Variants in EP400 observed in about 807,000 individuals in gnomAD.
EP400 encodes E1A-binding protein p400.
In EP400, 105 loss-of-function variants were observed where a neutral mutation model predicts 354.1. The ratio of observed to expected loss-of-function variants is 0.30; its 90% confidence interval spans 0.25 to 0.35. EP400 has a LOEUF of 0.35. EP400 is among the 10% of genes least tolerant of loss of function. The pLI is 1.00. For synonymous variants in EP400, 1,646 were observed against 1,716.9 expected (o/e 0.96, Z 1.02); for missense variants, 3,280 against 4,121.0 (o/e 0.80, Z 5.59).
At chr12:132,015,243 A>G (rs1225531645) in intron 19 of EP400, among the ~76,000 whole-genome samples, 3 of 152,206 alleles carry the variant, frequency 2.0e-5, no homozygotes, top group Non-Finnish European at 4.4e-5. Context: ...CAAGAGGCGG[A>G]GCAGTGGAGC....
intron 3 of EP400, 44 bp downstream of exon 3, chr12:131,979,837 C>T (rs1359647071): frequency 4.7e-6 from 7 of 1,502,868 alleles, no homozygotes; most frequent in Non-Finnish European, 6.3e-6. Flanking sequence ...GCCCCCCTCT[C>T]CTTGGGCTGC....
At chr12:131,972,749 T>G (rs1593317354) in intron 2 of EP400, among the ~76,000 whole-genome samples, 1 of 126,498 alleles carries the variant, frequency 7.9e-6, no homozygotes, top group African/African-American at 3.9e-5. Flanking sequence ...TTTTTTTTTT[T>G]GTGACGGAGT....
At position 131,990,047 on chromosome 12, in the gene EP400, G is replaced by T. The variant is rs781511179; in HGVS notation, c.2493G>T (p.Arg831Ser). The T allele has an allele frequency of 6.2e-7, 1 of 1,613,332 alleles. No homozygotes were observed. The highest frequency in any genetic ancestry group is 8.5e-7 in the Non-Finnish European group (1 of 1,179,848). The change falls in exon 8 of 53, where the codon AGG (arginine) becomes AGT (serine). Residue 831 changes from arginine to serine, a missense_variant. Coordinates refer to ENST00000389561, the MANE Select transcript of EP400 (RefSeq NM_015409.5). The surrounding 1 kb of genome is among the most constrained non-coding windows in gnomAD (Gnocchi z 4.2). ...RGKKEEQSRL[R>S]RIAASTAREI... ...AGAAGGAAGAGCAGAGCAGACTGAG[G>T]CGGATAGCCGCCTCCACGGCCCGGG...
intron 16 of EP400, 119 bp from the exon 17 acceptor site, chr12:132,012,890 T>G (rs1336854086): frequency 9.4e-7 from 1 of 1,069,486 alleles, no homozygotes; most frequent in Non-Finnish European, 1.3e-6. Context: ...AAAAAGCAAG[T>G]AAAATTATAG....
Position 132,053,569 on chromosome 12 carries a change from T to A in EP400, c.7700T>A (p.Ile2567Asn). 6.4e-7 allele frequency: 1 copy of A among 1,565,794 alleles called. No individual in the cohort carries two copies. The highest frequency in any genetic ancestry group is 8.6e-7 in the Non-Finnish European group (1 of 1,162,258). ...VQAPAKAQPA[I>N]TTGGSAAVLA... ...GCCCCAGCGAAGGCGCAGCCCGCAA[T>A]CACGACGGGGGGCAGTGCAGCCGTA... Residue 2567 changes from isoleucine to asparagine, a missense_variant, in exon 43 of 53, where the codon ATC (isoleucine) becomes AAC (asparagine). Around this residue, in one of 20 missense-constraint regions of EP400, gnomAD observed 255 missense variants for 295.9 expected, o/e 0.86. Coordinates refer to ENST00000389561, the MANE Select transcript of EP400 (RefSeq NM_015409.5).
At chr12:132,026,322 G>A (rs939755335) in intron 25 of EP400, among the ~76,000 whole-genome samples, 2 of 152,208 alleles carry the variant, frequency 1.3e-5, no homozygotes, top group Non-Finnish European at 2.9e-5. Flanking sequence ...GCAGGTGGGA[G>A]CCTAGAGGGG....
At chr12:131,955,984 C>G (rs1891685276) in intron 1 of EP400, among the ~76,000 whole-genome samples, 1 of 152,148 alleles carries the variant, frequency 6.6e-6, no homozygotes, top group Non-Finnish European at 1.5e-5. Flanking sequence ...CATCTTGTAA[C>G]CATTATCACA....
chr12:132,034,945 C>T (rs1894644058), intron 30 of EP400, among the ~76,000 whole-genome samples: 1 of 152,076 alleles, frequency 6.6e-6, no homozygotes, highest in Non-Finnish European at 1.5e-5. Flanking sequence ...GGAAGCCAAG[C>T]GTTGTACAGA....
intron 1 of EP400, among the ~76,000 whole-genome samples, chr12:131,950,569 A>C (rs917816238): frequency 7.2e-5 from 11 of 152,126 alleles, no homozygotes; most frequent in African/African-American, 2.4e-4. Context: ...ACGCGCCGCC[A>C]CAGGGGTTAC....
intron 7 of EP400, 92 bp downstream of exon 7, chr12:131,987,982 ACTTTTTTTTTTTT>A (rs1892909414): frequency 1.6e-6 from 1 of 627,644 alleles, no homozygotes; most frequent in African/African-American, 2.3e-5. Flanking sequence ...CTCCAGACCC[ACTTTTTTTTTTTT>A]TTTTTTTTTT....
intron 2 of EP400, among the ~76,000 whole-genome samples, chr12:131,974,755 C>T (rs778277056): frequency 2.3e-4 from 35 of 151,772 alleles, no homozygotes; most frequent in Non-Finnish European, 3.5e-4. Context: ...TTTGGGAGGC[C>T]GAGGCGGGCG....
At position 132,025,216 on chromosome 12, in the gene EP400, A is replaced by G. The variant is rs1192791742; in HGVS notation, c.4856-430A>G. 6.6e-6 allele frequency among the ~76,000 whole-genome samples: 1 copy of G among 152,198 alleles called. No individual in the cohort carries two copies. Among genetic ancestry groups the G allele is most frequent in the Non-Finnish European group, 1.5e-5 (1 of 68,038 alleles). The stretch of plus-strand genomic sequence containing the variant: ...GAAGTCAGAAAGATGTAGTCACACA[A>G]GATCCAAAGTGGCAGCCTCGTTAAA... On this transcript the variant is annotated intron_variant, in intron 24 of 52. Coordinates refer to ENST00000389561, the MANE Select transcript of EP400 (RefSeq NM_015409.5). The surrounding 1 kb of genome is among the most constrained non-coding windows in gnomAD (Gnocchi z 4.1).
At chr12:132,064,965 C>T (rs931331488) in intron 48 of EP400, 79 bp downstream of exon 48, 37 of 1,513,148 alleles carry the variant, frequency 2.4e-5, no homozygotes, top group South Asian at 1.5e-4. Flanking sequence ...TGCTCAGGTG[C>T]GTGTCACGTG....
intron 7 of EP400, among the ~76,000 whole-genome samples, chr12:131,988,810 A>G (rs1243980438): frequency 1.3e-5 from 2 of 151,608 alleles, no homozygotes; most frequent in Non-Finnish European, 2.9e-5. Context: ...CTTTGTTCAT[A>G]TTTTCTGTAC....
At chr12:131,964,912 C>A (rs1474645274) in intron 2 of EP400, among the ~76,000 whole-genome samples, 1 of 152,156 alleles carries the variant, frequency 6.6e-6, no homozygotes, top group African/African-American at 2.4e-5. Context: ...TGTTTCTTTC[C>A]CCCTAGTCCA....
rs1300417917 is a variant in EP400, at chr12:131,998,717, A to T, written c.2827+3761A>T. Among the ~76,000 whole-genome samples the T allele has an allele frequency of 2.0e-4, 14 of 69,796 alleles. No homozygotes were observed. The South Asian group carries it at 7.2e-3, about 36-fold the overall frequency. The allele number at this position is 69,796 out of a possible 152,430, so 45.8% of individuals were successfully genotyped here. ...TTTGTATACAGTCTTGTATACAAAG[A>T]CTTTGTATACAGTCTTGTATACAAA... On this transcript the variant is annotated intron_variant, in intron 12 of 52. Coordinates refer to ENST00000389561, the MANE Select transcript of EP400 (RefSeq NM_015409.5).
chr12:131,981,696 C>T (rs1375822444), intron 4 of EP400, 100 bp downstream of exon 4: 11 of 1,038,140 alleles, frequency 1.1e-5, no homozygotes, highest in South Asian at 1.5e-5. Context: ...GTGGAGGTAG[C>T]GTGTTTGCAG....
intron 37 of EP400, 39 bp from the exon 38 acceptor site, chr12:132,045,280 C>G: frequency 1.2e-6 from 2 of 1,608,622 alleles, no homozygotes; most frequent in Non-Finnish European, 1.7e-6. Flanking sequence ...GTGGAATCTC[C>G]TGGTTTACTC....
At chr12:132,004,331 A>G (rs1327566710) in intron 12 of EP400, among the ~76,000 whole-genome samples, 2 of 152,088 alleles carry the variant, frequency 1.3e-5, no homozygotes, top group African/African-American at 4.8e-5. Context: ...TGCCCTTTAC[A>G]CTTTTATGTA....
Sources: allele counts gnomAD v4.1 joint callset (sites outside exome capture counted in the v4.1 genomes callset), GRCh38; gene constraint gnomAD v4.1.1; regional missense constraint gnomAD v4.1.1; non-coding constraint Gnocchi (gnomAD v3.1); transcripts MANE v1.5; gene names NCBI Gene and HGNC (gene_info 2026-07-23, HGNC 2026-07-21).